SETD5: variants seen among roughly 807,000 people sequenced by gnomAD.
SETD5 encodes the protein histone-lysine N-methyltransferase SETD5.
A neutral mutation model predicts 153.3 loss-of-function variants in SETD5; 44 were observed. The observed-to-expected ratio is 0.29, with a 90% CI of 0.23 to 0.37. The LOEUF (loss-of-function observed/expected upper bound fraction) is 0.37. SETD5 is among the 10% of genes least tolerant of loss of function. SETD5 has a pLI of 1.00. For missense variants in SETD5, 1,544 were observed against 1,768.0 expected (o/e 0.87, Z 2.27); for synonymous variants, 716 against 645.2 (o/e 1.11, Z -1.66).
At chr3:9,471,076 T>C (rs1337557890) in intron 19 of SETD5, 147 bp downstream of exon 19, 1 of 599,976 alleles carries the variant, frequency 1.7e-6, no homozygotes, top group Admixed American at 3.0e-5. Flanking sequence ...AGACAGGCTG[T>C]TTTAGTACAA....
At chr3:9,456,493 A>C (rs554358815) in intron 17 of SETD5, among the ~76,000 whole-genome samples, 9 of 151,832 alleles carry the variant, frequency 5.9e-5, no homozygotes, top group African/African-American at 1.7e-4. Flanking sequence ...AAAAAAAAAA[A>C]AAAACAAGTC....
At chr3:9,462,934 C>CT (rs969915704) in intron 17 of SETD5, among the ~76,000 whole-genome samples, 101 of 143,008 alleles carry the variant, frequency 7.1e-4, no homozygotes, top group Middle Eastern at 3.6e-3. Flanking sequence ...GAAAATACAG[C>CT]TTTTTTTTTT....
chr3:9,429,553 CA>C (rs1277880293), intron 3 of SETD5, among the ~76,000 whole-genome samples: 1 of 152,026 alleles, frequency 6.6e-6, no homozygotes. Flanking sequence ...TCAGTGGTAC[CA>C]AACTTTTTTT....
At chr3:9,416,272 C>T (rs1213687661) in intron 1 of SETD5, among the ~76,000 whole-genome samples, 3 of 152,096 alleles carry the variant, frequency 2.0e-5, no homozygotes, top group African/African-American at 7.2e-5. Context: ...AAATGTGAGC[C>T]GTCACTTTTG....
intron 12 of SETD5, 107 bp from the exon 13 acceptor site, chr3:9,445,550 G>GTT: frequency 1.9e-6 from 2 of 1,042,846 alleles, no homozygotes; most frequent in South Asian, 3.1e-5. Context: ...TGAGTTAACA[G>GTT]TTTAAAGCAC....
At chr3:9,456,123 T>A (rs1379179303) in intron 17 of SETD5, among the ~76,000 whole-genome samples, 2 of 152,012 alleles carry the variant, frequency 1.3e-5, no homozygotes, top group Non-Finnish European at 2.9e-5. Context: ...ATAGAAAAAA[T>A]CAAACAGACC....
intron 2 of SETD5, among the ~76,000 whole-genome samples, chr3:9,425,827 A>G (rs2039106436): frequency 6.6e-6 from 1 of 152,194 alleles, no homozygotes; most frequent in Non-Finnish European, 1.5e-5. Flanking sequence ...GCTACAACAA[A>G]GGGTTTTTAA....
At chr3:9,432,934 CAT>C (rs1263607888) in intron 3 of SETD5, among the ~76,000 whole-genome samples, 1 of 152,158 alleles carries the variant, frequency 6.6e-6, no homozygotes, top group Non-Finnish European at 1.5e-5. Flanking sequence ...GTGGAAAGAG[CAT>C]AGACTTTGGA....
intron 17 of SETD5, among the ~76,000 whole-genome samples, chr3:9,456,337 C>T (rs1328405371): frequency 6.6e-6 from 1 of 151,844 alleles, no homozygotes. Context: ...TTAGCTGGGC[C>T]TGGTCACGTA....
At chr3:9,442,008 C>G (rs1379840661) in intron 9 of SETD5, 120 bp from the exon 10 acceptor site, 1 of 753,898 alleles carries the variant, frequency 1.3e-6, no homozygotes, top group East Asian at 2.7e-5. Context: ...GATGCTTTCC[C>G]AAGTTTAGGC....
intron 10 of SETD5, 190 bp from the exon 11 acceptor site, chr3:9,443,118 A>C (rs1470278448): frequency 2.0e-6 from 1 of 492,890 alleles, no homozygotes; most frequent in African/African-American, 2.0e-5. Flanking sequence ...AGAAAGTATT[A>C]TAAATTTTCA....
intron 13 of SETD5, among the ~76,000 whole-genome samples, chr3:9,445,953 T>C: frequency 6.7e-6 from 1 of 150,098 alleles, no homozygotes; most frequent in African/African-American, 2.5e-5. Context: ...CTAGTGATGG[T>C]TTGAAGAGGT....
At chr3:9,464,715 A>G in intron 18 of SETD5, 43 bp downstream of exon 18, 1 of 1,613,628 alleles carries the variant, frequency 6.2e-7, no homozygotes, top group Non-Finnish European at 8.5e-7. Context: ...TATGAAAATC[A>G]TCATTTGTAC....
At chr3:9,456,028 G>C (rs1020683951) in intron 17 of SETD5, among the ~76,000 whole-genome samples, 1 of 151,996 alleles carries the variant, frequency 6.6e-6, no homozygotes. Context: ...CATAAATTCT[G>C]AGGAATTACT....
chr3:9,447,035 A>G lies in SETD5; in HGVS notation c.1525-15A>G. On this transcript the variant is annotated splice_polypyrimidine_tract_variant and intron_variant, in intron 13 of 22. Transcript: ENST00000402198. ...ATTTGAAGCTTCCTTCTACACCAGT[A>G]CTATCTCTTTCTAGACCAGGGAAGA... 1.9e-6 allele frequency: 3 copies of G among 1,597,798 alleles called. No individual in the cohort carries two copies. The highest frequency in any genetic ancestry group is 1.1e-5 in the South Asian group (1 of 88,960).
At chr3:9,459,564 A>G (rs2043677816) in intron 17 of SETD5, among the ~76,000 whole-genome samples, 1 of 151,568 alleles carries the variant, frequency 6.6e-6, no homozygotes. Flanking sequence ...AGGTCAGGAG[A>G]TCCAGACCAT....
intron 1 of SETD5, among the ~76,000 whole-genome samples, chr3:9,400,675 A>G (rs1480967180): frequency 3.3e-5 from 5 of 152,350 alleles, no homozygotes; most frequent in Non-Finnish European, 5.9e-5. Flanking sequence ...TTCATTATAT[A>G]CATGTTGGAT....
chr3:9,403,839 A>C (rs575704575), intron 1 of SETD5, among the ~76,000 whole-genome samples: 3 of 152,208 alleles, frequency 2.0e-5, no homozygotes, highest in Non-Finnish European at 4.4e-5. Context: ...TCCCTATTGA[A>C]GTTTTCATTA....
At chr3:9,453,232 G>A (rs571590986) in intron 16 of SETD5, among the ~76,000 whole-genome samples, 10 of 152,126 alleles carry the variant, frequency 6.6e-5, no homozygotes, top group Admixed American at 5.9e-4. Flanking sequence ...TTTTGGAAAC[G>A]CTTTTGGTAC....
Sources: allele counts gnomAD v4.1 joint callset (sites outside exome capture counted in the v4.1 genomes callset), GRCh38; gene constraint gnomAD v4.1.1; transcripts MANE v1.5; gene names NCBI Gene and HGNC (gene_info 2026-07-23, HGNC 2026-07-21).